Variants in RNLS observed in about 807,000 individuals in gnomAD.
The protein encoded by RNLS is renalase, FAD dependent amine oxidase.
In RNLS, 39 loss-of-function variants were observed where a neutral mutation model predicts 39.8. That is an observed-to-expected ratio of 0.98 (90% CI 0.76 to 1.28). The LOEUF (loss-of-function observed/expected upper bound fraction) is 1.28. Ranked by LOEUF, RNLS falls within the 50% of genes most tolerant of loss-of-function variation. The probability of loss-of-function intolerance (pLI) is 0.00; values close to 1 mark genes in which losing one functional copy is unlikely to be tolerated. For synonymous variants in RNLS, 147 were observed against 150.7 expected (o/e 0.98, Z 0.18); for missense variants, 410 against 413.3 (o/e 0.99, Z 0.07).
intron 4 of RNLS, among the ~76,000 whole-genome samples, chr10:88,563,325 G>A (rs1191261140): frequency 6.6e-6 from 1 of 152,106 alleles, no homozygotes; most frequent in Non-Finnish European, 1.5e-5. Flanking sequence ...AAAGAGTTTA[G>A]TGAAAAGAAT....
the RNLS span, among the ~76,000 whole-genome samples, chr10:88,255,278 T>C: frequency 6.6e-6 from 1 of 152,232 alleles, no homozygotes; most frequent in Non-Finnish European, 1.5e-5. Flanking sequence ...TTCAAACTAG[T>C]GGCAGTCACT....
the RNLS span, among the ~76,000 whole-genome samples, chr10:88,261,252 C>T: frequency 2.2e-4 from 33 of 152,204 alleles, no homozygotes; most frequent in African/African-American, 7.2e-4. Context: ...CCTCCCTCTT[C>T]CACCTACCAC....
rs59262401 is a variant in RNLS, at chr10:88,460,562, C to T, written c.527-97837G>A. On this transcript the variant is annotated intron_variant, in intron 4 of 6. Coordinates refer to ENST00000331772, the MANE Select transcript of RNLS (RefSeq NM_001031709.3). ...ATCTATGATTGCCTCATTACTATCCCTCCTCCCCATCAGAATAAAGCCTCC... is the reference window on the plus strand; with the variant it reads ...ATCTATGATTGCCTCATTACTATCCTTCCTCCCCATCAGAATAAAGCCTCC... 2.5e-3 allele frequency among the ~76,000 whole-genome samples: 373 copies of T among 152,192 alleles called. 3 individuals are homozygous for T. Among genetic ancestry groups the T allele is most frequent in the African/African-American group, 8.5e-3 (353 of 41,532 alleles).
At chr10:88,252,254 A>G in the RNLS span, among the ~76,000 whole-genome samples, 9,044 of 152,256 alleles carry the variant, frequency 0.059, 392 homozygotes, top group African/African-American at 0.11. Flanking sequence ...TAGGTACTGT[A>G]TGCATTTGAT....
chr10:88,557,608 C>G (rs534847204), intron 4 of RNLS, among the ~76,000 whole-genome samples: 2 of 152,196 alleles, frequency 1.3e-5, no homozygotes, highest in East Asian at 3.9e-4. Flanking sequence ...AGTATTCCTC[C>G]CATTCTTTTT....
intron 4 of RNLS, among the ~76,000 whole-genome samples, chr10:88,559,991 A>G (rs1849084431): frequency 6.6e-6 from 1 of 152,000 alleles, no homozygotes; most frequent in Non-Finnish European, 1.5e-5. Context: ...AGTACATGTG[A>G]TATTTTGATA....
At chr10:88,365,006 A>G (rs1849940115) in intron 4 of RNLS, among the ~76,000 whole-genome samples, 1 of 152,122 alleles carries the variant, frequency 6.6e-6, no homozygotes, top group Non-Finnish European at 1.5e-5. Flanking sequence ...ATAGGTTGAC[A>G]ACCAAATTGG....
chr10:88,437,063 T>G (rs1841449484), intron 4 of RNLS, among the ~76,000 whole-genome samples: 1 of 152,226 alleles, frequency 6.6e-6, no homozygotes. Flanking sequence ...CTAAACAACT[T>G]CATGAACAAG....
the RNLS span, among the ~76,000 whole-genome samples, chr10:88,260,438 T>C: frequency 6.6e-6 from 1 of 152,260 alleles, no homozygotes; most frequent in Non-Finnish European, 1.5e-5. Context: ...CAAAGGTAGC[T>C]GTAATTTACC....
At chr10:88,291,479 G>A (rs1194570220) in intron 6 of RNLS, among the ~76,000 whole-genome samples, 1 of 152,158 alleles carries the variant, frequency 6.6e-6, no homozygotes, top group Admixed American at 6.5e-5. Flanking sequence ...GATTATGGGG[G>A]TGACACAGGT....
At chr10:88,246,739 C>T in the RNLS span, among the ~76,000 whole-genome samples, 1 of 152,128 alleles carries the variant, frequency 6.6e-6, no homozygotes, top group Non-Finnish European at 1.5e-5. Flanking sequence ...ACAGCTTTAA[C>T]CATTCCTTAC....
chr10:88,177,219 A>C, the RNLS span, among the ~76,000 whole-genome samples: 185 of 152,176 alleles, frequency 1.2e-3, 1 homozygote, highest in African/African-American at 4.2e-3. Context: ...TTATGCAAAT[A>C]TTTATTTGTG....
At chr10:88,203,370 A>ATATATATATATATATACACGTATGTG in the RNLS span, among the ~76,000 whole-genome samples, 11 of 2,566 alleles carry the variant, frequency 4.3e-3, no homozygotes, top group African/African-American at 0.022. Context: ...ATGTGTGTGT[A>ATATATATATATATATACACGTATGTG]TATATATATA....
chr10:88,575,266 A>ATGTG (rs113818151), intron 3 of RNLS, among the ~76,000 whole-genome samples: 5 of 142,638 alleles, frequency 3.5e-5, no homozygotes, highest in African/African-American at 1.3e-4. Context: ...GTATATGTAT[A>ATGTG]TGTGTGTGTG....
At chr10:88,276,885 G>A (rs1842830821) in intron 6 of RNLS, among the ~76,000 whole-genome samples, 2 of 152,132 alleles carry the variant, frequency 1.3e-5, no homozygotes, top group Admixed American at 1.3e-4. Flanking sequence ...TCCCTCTAGG[G>A]ACATGGTATA....
At chr10:88,431,132 ACAAATT>A (rs1855112863) in intron 4 of RNLS, among the ~76,000 whole-genome samples, 1 of 151,722 alleles carries the variant, frequency 6.6e-6, no homozygotes, top group Non-Finnish European at 1.5e-5. Flanking sequence ...GGTTTTAACT[ACAAATT>A]CAATTTCTTT....
chr10:88,385,506 AG>A (rs1235206563), intron 4 of RNLS, among the ~76,000 whole-genome samples: 2 of 152,248 alleles, frequency 1.3e-5, no homozygotes. Flanking sequence ...ACTCCTGAAT[AG>A]CCAAGGCACA....
intron 4 of RNLS, among the ~76,000 whole-genome samples, chr10:88,373,962 A>T (rs1207122261): frequency 2.6e-5 from 4 of 152,096 alleles, no homozygotes; most frequent in Admixed American, 2.6e-4. Context: ...TACAAATCTT[A>T]TATCACTGAG....
chr10:88,543,982 T>C (rs1466624135), intron 4 of RNLS, among the ~76,000 whole-genome samples: 1 of 152,110 alleles, frequency 6.6e-6, no homozygotes, highest in East Asian at 1.9e-4. Context: ...GGCACAGCAG[T>C]TTAGGTCTGT....
Sources: gnomAD v4.1 joint callset for allele counts (sites outside exome capture counted in the v4.1 genomes callset) on GRCh38, gnomAD v4.1.1 for gene constraint, MANE v1.5 for transcripts, NCBI Gene and HGNC (gene_info 2026-07-23, HGNC 2026-07-21) for gene names.